Variants in SGPL1 observed in about 807,000 individuals in gnomAD.
SGPL1 encodes SP-lyase 1.
Under a neutral mutation model 68.9 loss-of-function variants are expected in SGPL1, and 37 were observed. That is an observed-to-expected ratio of 0.54 (90% CI 0.41 to 0.71). SGPL1 has a LOEUF of 0.71. Ranked by LOEUF, SGPL1 falls within the 30% of genes least tolerant of loss-of-function variation. The pLI is 0.00. For synonymous variants in SGPL1, 236 were observed against 248.5 expected (o/e 0.95, Z 0.47); for missense variants, 551 against 704.6 (o/e 0.78, Z 2.47).
rs758755418 is a variant in SGPL1, at chr10:70,868,326, C to T, written c.616-19C>T. The T allele has an allele frequency of 1.3e-6, 2 of 1,572,192 alleles. No homozygotes were observed. Among genetic ancestry groups the T allele is most frequent in the South Asian group, 2.3e-5 (2 of 86,926 alleles). ...CATTCCTGACTCCCCCAACAGATGGCATCTCTTCTTTATTATAGGTGACTT... is the reference window on the plus strand; with the variant it reads ...CATTCCTGACTCCCCCAACAGATGGTATCTCTTCTTTATTATAGGTGACTT... On this transcript the variant is annotated intron_variant, in intron 7 of 14. Coordinates refer to ENST00000373202, the MANE Select transcript of SGPL1 (RefSeq NM_003901.4).
intron 12 of SGPL1, among the ~76,000 whole-genome samples, chr10:70,874,581 G>T (rs1303218004): frequency 1.3e-5 from 2 of 152,090 alleles, no homozygotes; most frequent in African/African-American, 2.4e-5. Flanking sequence ...AAATTAGCCG[G>T]GCGTGGTGGC....
chr10:70,863,966 A>C (rs1009546378), intron 7 of SGPL1, among the ~76,000 whole-genome samples: 2 of 152,272 alleles, frequency 1.3e-5, no homozygotes, highest in Non-Finnish European at 2.9e-5. Flanking sequence ...GTGCCACCTC[A>C]GGGTGAAAGC....
At chr10:70,853,565 ACTT>A (rs1845918789) in intron 4 of SGPL1, among the ~76,000 whole-genome samples, 2 of 152,126 alleles carry the variant, frequency 1.3e-5, no homozygotes, top group African/African-American at 4.8e-5. Context: ...CTGAAAATAA[ACTT>A]CATGAGGACA....
chr10:70,826,142 A>T (rs1161600377), intron 2 of SGPL1, among the ~76,000 whole-genome samples: 1 of 152,228 alleles, frequency 6.6e-6, no homozygotes, highest in Non-Finnish European at 1.5e-5. Context: ...CCAAGGTCAC[A>T]CTACCGCACT....
intron 2 of SGPL1, chr10:70,820,533 G>A (rs1845319611): frequency 6.6e-6 from 1 of 152,148 alleles, no homozygotes; most frequent in South Asian, 2.1e-4. Context: ...CCAGCACTTT[G>A]GGAGGCTCAG....
At chr10:70,830,773 C>T (rs1451683611) in intron 2 of SGPL1, among the ~76,000 whole-genome samples, 2 of 152,016 alleles carry the variant, frequency 1.3e-5, no homozygotes, top group African/African-American at 2.4e-5. Context: ...ATTTTCTGGG[C>T]GTCGGAGGAG....
rs186747600 is a variant in SGPL1 at position 70,879,403 on chromosome 10, G to T, written c.*2068G>T. 9.2e-3 allele frequency: 1,249 copies of T among 135,610 alleles called. 26 individuals carry two copies. The highest frequency in any genetic ancestry group is 0.032 in the African/African-American group (1,190 of 37,184). 8.4% of individuals were successfully genotyped at this position (135,610 alleles called of 1,614,324 possible). ...TATGTGTGTGTGTGTGTGTGTGTGT[G>T]TTTTTCCTGTTTGCCCAGCAGTGCA... On this transcript the variant is annotated 3_prime_UTR_variant, in exon 15 of 15. Coordinates refer to ENST00000373202, the MANE Select transcript of SGPL1 (RefSeq NM_003901.4).
chr10:70,869,984 G>C (rs1846263529), intron 9 of SGPL1, 87 bp downstream of exon 9: 1 of 989,094 alleles, frequency 1.0e-6, no homozygotes, highest in East Asian at 2.5e-5. Context: ...CAGTCAGATG[G>C]GTCTGACTGC....
At chr10:70,824,882 G>A (rs566579797) in intron 2 of SGPL1, among the ~76,000 whole-genome samples, 272 of 151,966 alleles carry the variant, frequency 1.8e-3, no homozygotes, top group Non-Finnish European at 2.1e-3. Flanking sequence ...TTGAAATCAA[G>A]AGTCTAAAAC....
intron 7 of SGPL1, among the ~76,000 whole-genome samples, chr10:70,864,071 A>AT (rs3998627): frequency 9.2e-4 from 138 of 149,350 alleles, no homozygotes; most frequent in East Asian, 4.1e-3. Context: ...ATAGGTTTAA[A>AT]TTTTTTTTTT....
chr10:70,845,542 G>A (rs955152551), intron 3 of SGPL1, among the ~76,000 whole-genome samples: 1 of 151,962 alleles, frequency 6.6e-6, no homozygotes, highest in Non-Finnish European at 1.5e-5. Flanking sequence ...CACTTCTCAG[G>A]GTGCAGAAGA....
intron 2 of SGPL1, among the ~76,000 whole-genome samples, chr10:70,830,137 A>G (rs574774407): frequency 6.9e-4 from 105 of 152,316 alleles, no homozygotes; most frequent in Middle Eastern, 6.8e-3. Context: ...CTGTGAATCC[A>G]AAGAATCTTA....
chr10:70,857,633 G>A lies in SGPL1; in HGVS notation c.429G>A (p.Gly143=). The A allele has an allele frequency of 6.2e-7, 1 of 1,613,484 alleles. No homozygotes were observed. The change falls in exon 6 of 15, where the codon GGG becomes GGA. Residue 143 remains glycine, a synonymous_variant. Transcript: ENST00000373202. ...CTGCAGACGCCTTCTGGCAAGAGGG[G>A]AGAGCCTCTGGAACAGTGTACAGTG... The part of the protein sequence containing the change: ...YSSMDAFWQE[G]RASGTVYSGE...
intron 2 of SGPL1, 27 bp downstream of exon 2, chr10:70,816,907 G>A (rs1845242624): frequency 1.2e-6 from 2 of 1,612,358 alleles, no homozygotes; most frequent in African/African-American, 1.3e-5. Flanking sequence ...CATCCTCCTG[G>A]TTCCAAGGCA....
intron 12 of SGPL1, among the ~76,000 whole-genome samples, 183 bp from the exon 13 acceptor site, chr10:70,875,219 T>G (rs887311838): frequency 6.6e-6 from 1 of 152,208 alleles, no homozygotes; most frequent in Non-Finnish European, 1.5e-5. Context: ...ATGATTCTGA[T>G]CTCAGTAAGA....
intron 2 of SGPL1, among the ~76,000 whole-genome samples, chr10:70,831,528 A>G (rs1344146548): frequency 6.6e-6 from 1 of 152,112 alleles, no homozygotes; most frequent in Non-Finnish European, 1.5e-5. Context: ...TCAGGGAAAC[A>G]TTTACTTAGG....
At chr10:70,828,330 A>G (rs1845471553) in intron 2 of SGPL1, among the ~76,000 whole-genome samples, 1 of 151,914 alleles carries the variant, frequency 6.6e-6, no homozygotes, top group Admixed American at 6.6e-5. Flanking sequence ...TTTTATTTTT[A>G]TTTTTTTCGG....
intron 2 of SGPL1, among the ~76,000 whole-genome samples, chr10:70,840,894 C>T (rs1014696829): frequency 2.0e-5 from 3 of 152,086 alleles, no homozygotes; most frequent in African/African-American, 4.8e-5. Flanking sequence ...CTTTTTTGCT[C>T]AGTGCTGTGA....
At chr10:70,830,303 C>T (rs1315888860) in intron 2 of SGPL1, among the ~76,000 whole-genome samples, 1 of 152,194 alleles carries the variant, frequency 6.6e-6, no homozygotes, top group Non-Finnish European at 1.5e-5. Flanking sequence ...AAACCCAGTA[C>T]TCAGCAGTCA....
Sources: gnomAD v4.1 joint callset for allele counts (sites outside exome capture counted in the v4.1 genomes callset) on GRCh38, gnomAD v4.1.1 for gene constraint, MANE v1.5 for transcripts, NCBI Gene and HGNC (gene_info 2026-07-23, HGNC 2026-07-21) for gene names.